The following MSI2 variants were observed in gnomAD, a reference collection of about 807,000 sequenced individuals.
MSI2 encodes the protein RNA-binding protein Musashi homolog 2.
MSI2 carries 17 observed loss-of-function variants against 45.6 expected under a neutral mutation model. The observed-to-expected ratio is 0.37, with a 90% CI of 0.26 to 0.56. The LOEUF is 0.56. Ranked by LOEUF, MSI2 falls within the 20% of genes least tolerant of loss-of-function variation. The pLI is 0.77. For synonymous variants in MSI2, 156 were observed against 158.2 expected (o/e 0.99, Z 0.11); for missense variants, 293 against 444.2 (o/e 0.66, Z 3.06).
At chr17:57,496,521 G>T (rs2085982710) in intron 6 of MSI2, among the ~76,000 whole-genome samples, 1 of 152,226 alleles carries the variant, frequency 6.6e-6, no homozygotes, top group African/African-American at 2.4e-5. Flanking sequence ...AGCGAAGGAG[G>T]CAAGCTAATG....
intron 7 of MSI2, among the ~76,000 whole-genome samples, chr17:57,561,867 A>G (rs2087584364): frequency 6.6e-6 from 1 of 152,190 alleles, no homozygotes; most frequent in South Asian, 2.1e-4. Context: ...AAAGATGAGG[A>G]AACTGGCACC....
At chr17:57,442,727 C>T (rs1038431419) in intron 6 of MSI2, among the ~76,000 whole-genome samples, 81 of 152,292 alleles carry the variant, frequency 5.3e-4, no homozygotes, top group African/African-American at 1.9e-3. Context: ...GCGAGGGAGG[C>T]GGTGCTGGCC....
At chr17:57,646,534 A>G (rs530892751) in intron 10 of MSI2, among the ~76,000 whole-genome samples, 3 of 152,340 alleles carry the variant, frequency 2.0e-5, no homozygotes, top group Admixed American at 1.3e-4. Context: ...AAGGGACGTT[A>G]GAGGTCATCT....
intron 6 of MSI2, among the ~76,000 whole-genome samples, chr17:57,490,500 G>T (rs1358135531): frequency 6.6e-6 from 1 of 152,194 alleles, no homozygotes; most frequent in Non-Finnish European, 1.5e-5. Flanking sequence ...GTAGACCTCT[G>T]CTTTGAAAAC....
At chr17:57,274,086 A>G (rs1466968950) in intron 5 of MSI2, among the ~76,000 whole-genome samples, 1 of 152,190 alleles carries the variant, frequency 6.6e-6, no homozygotes, top group Non-Finnish European at 1.5e-5. Context: ...TTCGTTCACA[A>G]TAGAGAAATC....
chr17:57,633,936 C>T (rs1909628527), intron 10 of MSI2, among the ~76,000 whole-genome samples: 1 of 152,158 alleles, frequency 6.6e-6, no homozygotes, highest in Non-Finnish European at 1.5e-5. Flanking sequence ...ATACAGGATT[C>T]CTACGTGAAG....
At chr17:57,483,670 A>G (rs570106333) in intron 6 of MSI2, among the ~76,000 whole-genome samples, 1 of 152,302 alleles carries the variant, frequency 6.6e-6, no homozygotes, top group South Asian at 2.1e-4. Context: ...ACTGGTGCTC[A>G]TGTCTCTGAG....
At chr17:57,525,111 AGGTCCCCTTT>A (rs149722347) in intron 6 of MSI2, among the ~76,000 whole-genome samples, 202 of 152,328 alleles carry the variant, frequency 1.3e-3, no homozygotes, top group African/African-American at 4.4e-3. Context: ...CTAACAGATT[AGGTCCCCTTT>A]GTTGACTCTC....
intron 5 of MSI2, among the ~76,000 whole-genome samples, chr17:57,380,089 G>A (rs2083573022): frequency 1.3e-5 from 2 of 152,140 alleles, no homozygotes; most frequent in Admixed American, 6.5e-5. Flanking sequence ...GCCGTGCTAG[G>A]GGGTGGGAGG....
At chr17:57,281,192 T>G (rs1909386523) in intron 5 of MSI2, among the ~76,000 whole-genome samples, 1 of 152,138 alleles carries the variant, frequency 6.6e-6, no homozygotes, top group Non-Finnish European at 1.5e-5. Context: ...CAAGGCCCAC[T>G]CCCCTGTGGT....
intron 5 of MSI2, chr17:57,274,148 T>C (rs1167347784): frequency 6.6e-6 from 1 of 152,218 alleles, no homozygotes; most frequent in African/African-American, 2.4e-5. Context: ...GGCCTGAGAA[T>C]ATGGGAAAAC....
chr17:57,651,915 G>A (rs914943537), intron 10 of MSI2, among the ~76,000 whole-genome samples, 184 bp from the exon 11 acceptor site: 1 of 152,228 alleles, frequency 6.6e-6, no homozygotes, highest in East Asian at 1.9e-4. Context: ...ACCTAAAGAT[G>A]TTGTGCCTTC....
chr17:57,701,189 C>T, the MSI2 span, among the ~76,000 whole-genome samples: 2 of 152,106 alleles, frequency 1.3e-5, no homozygotes, highest in South Asian at 2.1e-4. Context: ...TACAGGTGTA[C>T]GTGCACATGA....
chr17:57,572,365 A>ATCCCAG (rs2087901700), intron 7 of MSI2, among the ~76,000 whole-genome samples: 1 of 152,178 alleles, frequency 6.6e-6, no homozygotes, highest in African/African-American at 2.4e-5. Flanking sequence ...TTGCCATAGA[A>ATCCCAG]GCCTCTGGGA....
At chr17:57,283,419 G>C (rs1401545020) in intron 5 of MSI2, among the ~76,000 whole-genome samples, 12 of 152,058 alleles carry the variant, frequency 7.9e-5, no homozygotes, top group Admixed American at 7.9e-4. Context: ...TCCAACTTCA[G>C]GGGGGCTTGA....
chr17:57,262,139 T>G lies in MSI2; in HGVS notation c.271-12T>G. 6.2e-7 allele frequency: 1 copy of G among 1,614,016 alleles called. No individual in the cohort carries two copies. Among genetic ancestry groups the G allele is most frequent in the Non-Finnish European group, 8.5e-7 (1 of 1,179,904 alleles). On this transcript the variant is annotated splice_polypyrimidine_tract_variant and intron_variant, in intron 4 of 13. Transcript: ENST00000284073. ...ACTTTATTGACTCCTGCTTTTCTAT[T>G]TTTTTTCCCAGATTGACCCCAAAGT...
chr17:57,357,819 G>A (rs923446175), intron 5 of MSI2, among the ~76,000 whole-genome samples: 15 of 152,194 alleles, frequency 9.9e-5, no homozygotes, highest in African/African-American at 3.4e-4. Flanking sequence ...AATGCTTAGT[G>A]TTCCGATTAA....
At position 57,361,443 on chromosome 17, in the gene MSI2, T is replaced by TA. The variant is rs879675657; in HGVS notation, c.313-39923dup. 1.2e-3 allele frequency among the ~76,000 whole-genome samples: 163 copies of TA among 139,182 alleles called. 1 individual carries two copies. Among genetic ancestry groups the TA allele is most frequent in the South Asian group, 4.6e-3 (20 of 4,322 alleles). The allele number at this position is 139,182 out of a possible 152,430, so 91.3% of individuals were successfully genotyped here. ...GGTGAAACCCTGTCTTTACAAAAAA[T>TA]AAAAAAAAAAAAATTAGCCTGGGCA... is the stretch of plus-strand genomic sequence containing the variant. On this transcript the variant is annotated intron_variant, in intron 5 of 13. Coordinates refer to ENST00000284073, the MANE Select transcript of MSI2 (RefSeq NM_138962.4).
chr17:57,451,374 A>G (rs571299965), intron 6 of MSI2, among the ~76,000 whole-genome samples: 1 of 152,314 alleles, frequency 6.6e-6, no homozygotes, highest in East Asian at 1.9e-4. Context: ...CCTTCGCTAA[A>G]TAAGTCAGCA....
Sources: gnomAD v4.1 joint callset for allele counts (sites outside exome capture counted in the v4.1 genomes callset) on GRCh38, gnomAD v4.1.1 for gene constraint, MANE v1.5 for transcripts, NCBI Gene and HGNC (gene_info 2026-07-23, HGNC 2026-07-21) for gene names.